Variants in MAF observed in about 807,000 individuals in gnomAD.
The protein encoded by MAF is MAF bZIP transcription factor, also known as transcription factor Maf.
MAF carries 10 observed loss-of-function variants against 22.0 expected under a neutral mutation model. The ratio of observed to expected loss-of-function variants is 0.45; its 90% CI spans 0.28 to 0.77. The LOEUF (loss-of-function observed/expected upper bound fraction) is 0.77. MAF is among the 30% of genes least tolerant of loss of function. MAF has a pLI of 0.12. For missense variants in MAF, 544 were observed against 548.4 expected (o/e 0.99, Z 0.08); for synonymous variants, 337 against 255.8 (o/e 1.32, Z -3.03).
chr16:79,578,763 A>T, the MAF span, among the ~76,000 whole-genome samples: 12 of 152,206 alleles, frequency 7.9e-5, no homozygotes, highest in African/African-American at 2.9e-4. Context: ...CCTTTAAAAA[A>T]ATTAATTAAA....
chr16:79,224,640 C>G, the MAF span, among the ~76,000 whole-genome samples: 1 of 152,214 alleles, frequency 6.6e-6, no homozygotes, highest in Non-Finnish European at 1.5e-5. Context: ...CCTCCTTAAG[C>G]AGATAAGCAA....
the MAF span, among the ~76,000 whole-genome samples, chr16:79,400,502 T>G: frequency 5.2e-4 from 79 of 152,054 alleles, no homozygotes; most frequent in Non-Finnish European, 7.9e-4. Context: ...CAAACATGAG[T>G]TGGAGTTTAT....
At chr16:79,363,677 G>C in the MAF span, among the ~76,000 whole-genome samples, 1 of 152,146 alleles carries the variant, frequency 6.6e-6, no homozygotes, top group Non-Finnish European at 1.5e-5. Context: ...ATGGAGGTCT[G>C]ATAAAGTTCC....
the MAF span, among the ~76,000 whole-genome samples, chr16:79,521,612 C>G: frequency 7.0e-4 from 107 of 152,114 alleles, no homozygotes; most frequent in Non-Finnish European, 1.4e-3. Flanking sequence ...AAAAAATTCT[C>G]TCACCCTCTG....
At chr16:79,284,191 G>C in the MAF span, among the ~76,000 whole-genome samples, 2 of 152,104 alleles carry the variant, frequency 1.3e-5, no homozygotes. Flanking sequence ...AAGCAAACAA[G>C]CTATGGCAAA....
the MAF span, among the ~76,000 whole-genome samples, chr16:79,463,432 CA>C: frequency 2.0e-5 from 3 of 152,210 alleles, no homozygotes; most frequent in Non-Finnish European, 4.4e-5. Flanking sequence ...CATAAACACA[CA>C]ATGACAATTT....
At chr16:79,317,873 G>C in the MAF span, among the ~76,000 whole-genome samples, 1 of 152,038 alleles carries the variant, frequency 6.6e-6, no homozygotes, top group Non-Finnish European at 1.5e-5. Context: ...CATTTGGAGA[G>C]TATTTACTAT....
the MAF span, among the ~76,000 whole-genome samples, chr16:79,240,970 T>G: frequency 6.6e-6 from 1 of 151,884 alleles, no homozygotes; most frequent in Non-Finnish European, 1.5e-5. Flanking sequence ...GAAGAAAAAC[T>G]AACAAACAGA....
chr16:79,592,582 T>G (rs1033966785), downstream of MAF, among the ~76,000 whole-genome samples: 1 of 152,224 alleles, frequency 6.6e-6, no homozygotes, highest in Non-Finnish European at 1.5e-5. Context: ...CCTTTATAAC[T>G]ACTACATGGC....
chr16:79,439,712 A>T, the MAF span, among the ~76,000 whole-genome samples: 4 of 152,238 alleles, frequency 2.6e-5, no homozygotes, highest in African/African-American at 9.6e-5. Context: ...TCCATGTTAC[A>T]TAGACCACAG....
chr16:79,265,726 C>A, the MAF span, among the ~76,000 whole-genome samples: 3 of 152,204 alleles, frequency 2.0e-5, no homozygotes, highest in East Asian at 5.8e-4. Context: ...AATGTTTTTC[C>A]TATCCTTAAG....
chr16:79,332,207 G>A, the MAF span, among the ~76,000 whole-genome samples: 10 of 152,200 alleles, frequency 6.6e-5, no homozygotes, highest in African/African-American at 2.2e-4. Flanking sequence ...CAAAACTGAC[G>A]TGCTATCTAT....
At chr16:79,210,535 C>T in the MAF span, among the ~76,000 whole-genome samples, 1 of 152,158 alleles carries the variant, frequency 6.6e-6, no homozygotes, top group Non-Finnish European at 1.5e-5. Flanking sequence ...AGCTTATCTT[C>T]AGTTACCTTT....
chr16:79,347,412 G>A, the MAF span, among the ~76,000 whole-genome samples: 1 of 152,210 alleles, frequency 6.6e-6, no homozygotes, highest in African/African-American at 2.4e-5. Flanking sequence ...TGCATAGCAC[G>A]TTAGAGTTGA....
the MAF span, among the ~76,000 whole-genome samples, chr16:79,519,608 C>T: frequency 1.3e-5 from 2 of 152,212 alleles, no homozygotes; most frequent in Non-Finnish European, 2.9e-5. Flanking sequence ...ATCCACTGGC[C>T]CTTGGAGACC....
chr16:79,381,483 C>A, the MAF span, among the ~76,000 whole-genome samples: 15 of 152,182 alleles, frequency 9.9e-5, no homozygotes, highest in Admixed American at 2.6e-4. Flanking sequence ...TGGCTAATGA[C>A]GGTGCCTAAA....
the MAF span, among the ~76,000 whole-genome samples, chr16:79,490,694 T>C: frequency 6.6e-6 from 1 of 152,188 alleles, no homozygotes; most frequent in Non-Finnish European, 1.5e-5. Flanking sequence ...GATTGGAAAG[T>C]GGTACATAGT....
At chr16:79,556,264 T>C in the MAF span, among the ~76,000 whole-genome samples, 61 of 152,354 alleles carry the variant, frequency 4.0e-4, no homozygotes, top group Non-Finnish European at 7.2e-4. Flanking sequence ...CTTTTAATCA[T>C]GCTACTCCAT....
chr16:79,213,863 C>T, the MAF span, among the ~76,000 whole-genome samples: 5 of 152,332 alleles, frequency 3.3e-5, no homozygotes, highest in South Asian at 1.0e-3. Context: ...CTAACTGATA[C>T]AGCTTCTCAG....
Sources: allele counts gnomAD v4.1 joint callset (sites outside exome capture counted in the v4.1 genomes callset), GRCh38; gene constraint gnomAD v4.1.1; transcripts MANE v1.5; gene names NCBI Gene and HGNC (gene_info 2026-07-23, HGNC 2026-07-21).